SLC9B2: variants seen among roughly 807,000 people sequenced by gnomAD.
SLC9B2 encodes solute carrier family 9 member B2.
A neutral mutation model predicts 52.2 loss-of-function variants in SLC9B2; 39 were observed. The ratio of observed to expected loss-of-function variants is 0.75; its 90% CI spans 0.58 to 0.98. The LOEUF is 0.98. SLC9B2 is among the 50% of genes least tolerant of loss of function. The pLI is 0.00. For synonymous variants in SLC9B2, 214 were observed against 227.0 expected (o/e 0.94, Z 0.51); for missense variants, 626 against 637.5 (o/e 0.98, Z 0.19).
chr4:103,047,428 A>T (rs1003226612), intron 6 of SLC9B2, among the ~76,000 whole-genome samples: 1 of 150,302 alleles, frequency 6.7e-6, no homozygotes, highest in Non-Finnish European at 1.5e-5. Flanking sequence ...GTTTTAGGGT[A>T]CATGTGTACA....
At chr4:103,072,054 A>ATTTTTTTTTTTTTTTTTTT (rs1375668319) in intron 1 of SLC9B2, among the ~76,000 whole-genome samples, 2 of 62,482 alleles carry the variant, frequency 3.2e-5, no homozygotes, top group Admixed American at 1.6e-4. Context: ...TTTGGCTTTC[A>ATTTTTTTTTTTTTTTTTTT]TGTTTTTTTT....
rs370249160 is a variant in SLC9B2, at chr4:103,073,903, G to A, written c.-43+2281C>T. On this transcript the variant is annotated intron_variant, in intron 1 of 11. Coordinates refer to ENST00000394785, the MANE Select transcript of SLC9B2 (RefSeq NM_178833.7). ...GCCAAGTGTTCAGGTATGCCAGTAG[G>A]ACCCTTCTCCCGCCCTAGGGATAAG... Among the ~76,000 whole-genome samples the A allele has an allele frequency of 9.8e-5, 15 of 152,302 alleles. No individual in the cohort carries two copies. In the South Asian group the frequency reaches 2.9e-3, roughly 29 times the overall value.
intron 10 of SLC9B2, among the ~76,000 whole-genome samples, chr4:103,031,158 G>T (rs1057158209): frequency 3.3e-5 from 5 of 152,118 alleles, no homozygotes; most frequent in Admixed American, 6.6e-5. Flanking sequence ...AGTATGGATG[G>T]AAGAATACTG....
At chr4:103,045,032 T>G in intron 7 of SLC9B2, 36 bp from the exon 8 acceptor site, 2 of 1,362,346 alleles carry the variant, frequency 1.5e-6, no homozygotes, top group Non-Finnish European at 2.1e-6. Flanking sequence ...GAGCTCTAAA[T>G]CCAACAAATA....
chr4:103,050,081 T>C (rs969677539), intron 5 of SLC9B2, among the ~76,000 whole-genome samples, 159 bp downstream of exon 5: 2 of 152,084 alleles, frequency 1.3e-5, no homozygotes, highest in African/African-American at 4.8e-5. Context: ...AAGGTCTCAC[T>C]TGCAAAACAA....
chr4:103,035,265 A>G (rs544113910), intron 9 of SLC9B2, among the ~76,000 whole-genome samples: 23 of 152,268 alleles, frequency 1.5e-4, no homozygotes, highest in African/African-American at 5.5e-4. Context: ...TTAGTTTGCT[A>G]AGGATAATGG....
At chr4:103,071,982 T>C (rs1444875294) in intron 1 of SLC9B2, among the ~76,000 whole-genome samples, 1 of 151,906 alleles carries the variant, frequency 6.6e-6, no homozygotes, top group Non-Finnish European at 1.5e-5. Flanking sequence ...AGTTGTGATT[T>C]TTCAAAGAAG....
intron 9 of SLC9B2, among the ~76,000 whole-genome samples, chr4:103,038,164 G>T (rs1162069825): frequency 6.6e-6 from 1 of 152,042 alleles, no homozygotes; most frequent in Non-Finnish European, 1.5e-5. Context: ...CCCAGCCAAC[G>T]TAAGACTTTA....
chr4:103,059,922 G>A (rs1745477394), intron 3 of SLC9B2, among the ~76,000 whole-genome samples: 1 of 151,968 alleles, frequency 6.6e-6, no homozygotes, highest in Non-Finnish European at 1.5e-5. Flanking sequence ...TCAGTTTTAT[G>A]TTAAATTCTA....
chr4:103,070,158 T>C (rs1480783969), intron 1 of SLC9B2, among the ~76,000 whole-genome samples: 1 of 152,228 alleles, frequency 6.6e-6, no homozygotes, highest in East Asian at 1.9e-4. Flanking sequence ...CTGTATTTGT[T>C]TGCTCTCTGC....
At chr4:103,046,749 T>G (rs1190470548) in intron 7 of SLC9B2, among the ~76,000 whole-genome samples, 2 of 150,700 alleles carry the variant, frequency 1.3e-5, no homozygotes, top group East Asian at 3.9e-4. Context: ...CCACACATCT[T>G]TTGTGTGAAG....
intron 1 of SLC9B2, 99 bp from the exon 2 acceptor site, chr4:103,067,691 G>A (rs1332518300): frequency 5.9e-6 from 4 of 674,552 alleles, no homozygotes; most frequent in South Asian, 1.7e-5. Context: ...AATTCCGAAT[G>A]GCTAAACTAT....
intron 4 of SLC9B2, among the ~76,000 whole-genome samples, chr4:103,050,603 A>G (rs949326430): frequency 6.6e-6 from 1 of 152,272 alleles, no homozygotes; most frequent in Admixed American, 6.5e-5. Flanking sequence ...TTCCCAAAAT[A>G]ACTGAACTTA....
In SLC9B2 at chr4:103,043,357, G is replaced by C; in HGVS notation, c.1085C>G (p.Ser362Ter). 1.9e-6 allele frequency: 3 copies of C among 1,613,846 alleles called. No individual in the cohort carries two copies. The highest frequency in any genetic ancestry group is 2.5e-6 in the Non-Finnish European group (3 of 1,179,900). Residue 362 changes from serine to a stop codon, truncating the protein, a stop_gained, in exon 9 of 12, where the codon TCA becomes TGA. Transcript: ENST00000394785. LOFTEE classifies it high-confidence loss of function. ...FSSVHFGFPG[S>*]GGLCTLVMAF... ...CATGACCAACGTGCACAGTCCTCCT[G>C]ATCCAGGGAAACCAAAATGCACACT... is the stretch of plus-strand genomic sequence containing the variant.
chr4:103,045,118 T>C (rs983912620), intron 7 of SLC9B2, 122 bp from the exon 8 acceptor site: 1 of 650,710 alleles, frequency 1.5e-6, no homozygotes, highest in African/African-American at 1.8e-5. Flanking sequence ...CAGTTTCTGC[T>C]TTCCATATTC....
intron 4 of SLC9B2, among the ~76,000 whole-genome samples, chr4:103,053,125 G>C (rs1744837583): frequency 6.6e-6 from 1 of 151,690 alleles, no homozygotes; most frequent in Non-Finnish European, 1.5e-5. Context: ...TATTATTTGT[G>C]TTATGGAAAT....
At position 103,030,775 on chromosome 4, in the gene SLC9B2, A is replaced by G. The variant is rs78199674; in HGVS notation, c.1255+925T>C. ...TAGTATCATTAAGTATATTCACACT[A>G]TTATGCAACCAATCTCCAGAATTTT... On this transcript the variant is annotated intron_variant, in intron 10 of 11. Coordinates refer to ENST00000394785, the MANE Select transcript of SLC9B2 (RefSeq NM_178833.7). Among the ~76,000 whole-genome samples, 1,084 of 152,210 alleles carry G rather than the reference A, an allele frequency of 7.1e-3. 13 individuals are homozygous for G. Among genetic ancestry groups the G allele is most frequent in the African/African-American group, 0.025 (1,032 of 41,538 alleles).
chr4:103,074,383 T>C (rs1023213263), intron 1 of SLC9B2, among the ~76,000 whole-genome samples: 1 of 152,182 alleles, frequency 6.6e-6, no homozygotes, highest in South Asian at 2.1e-4. Flanking sequence ...TCCTAACCAA[T>C]ATAACAGGTG....
At chr4:103,053,941 G>C (rs1169958117) in intron 4 of SLC9B2, among the ~76,000 whole-genome samples, 1 of 152,064 alleles carries the variant, frequency 6.6e-6, no homozygotes, top group African/African-American at 2.4e-5. Context: ...CTGACCTCGT[G>C]ATCTGCCCGC....
Sources: gnomAD v4.1 joint callset for allele counts (sites outside exome capture counted in the v4.1 genomes callset) on GRCh38, gnomAD v4.1.1 for gene constraint, MANE v1.5 for transcripts, NCBI Gene and HGNC (gene_info 2026-07-23, HGNC 2026-07-21) for gene names.